The following DAP variants were observed in gnomAD, a reference collection of about 807,000 sequenced individuals.
DAP encodes death associated protein.
Under a neutral mutation model 13.8 loss-of-function variants are expected in DAP, and 8 were observed. The ratio of observed to expected loss-of-function variants is 0.58; its 90% CI spans 0.34 to 1.05. The LOEUF (loss-of-function observed/expected upper bound fraction) is 1.05, where lower values mean the gene tolerates loss of function less well. Ranked by LOEUF, DAP falls within the 50% of genes least tolerant of loss-of-function variation. DAP has a pLI of 0.03. For synonymous variants in DAP, 47 were observed against 47.5 expected, an observed-to-expected ratio of 0.99 and a Z score of 0.04; for missense variants, 106 against 133.2, an observed-to-expected ratio of 0.80 and a Z score of 1.01.
intron 2 of DAP, among the ~76,000 whole-genome samples, chr5:10,735,658 C>A (rs1474586260): frequency 1.3e-5 from 2 of 152,174 alleles, no homozygotes; most frequent in East Asian, 1.9e-4. Flanking sequence ...TGGGGCCACA[C>A]CACTGTACAC....
rs567720949 is a variant in DAP at position 10,751,396 on chromosome 5, A to C, written c.56-3125T>G. ...ACTGAAAATACAATTATCTACCTAC[A>C]CCTTAGGGTCATTTTCCACTCTCTT... On this transcript the variant is annotated intron_variant, in intron 1 of 3. Transcript: ENST00000230895. 2.6e-5 allele frequency among the ~76,000 whole-genome samples: 4 copies of C among 152,188 alleles called. No individual in the cohort carries two copies. The East Asian group carries it at 7.7e-4, about 29-fold the overall frequency.
At chr5:10,699,635 C>A (rs1179857477) in intron 2 of DAP, among the ~76,000 whole-genome samples, 7 of 152,228 alleles carry the variant, frequency 4.6e-5, no homozygotes, top group Non-Finnish European at 2.9e-5. Context: ...CAAGACTGAT[C>A]CTCCATCAGG....
intron 2 of DAP, among the ~76,000 whole-genome samples, chr5:10,691,855 G>A (rs533705751): frequency 3.9e-5 from 6 of 152,312 alleles, no homozygotes; most frequent in African/African-American, 7.2e-5. Context: ...CCTGATGTCC[G>A]TGCACGTGGG....
Position 10,722,466 on chromosome 5 carries a change from T to G in DAP, c.152+25709A>C, listed in dbSNP as rs568597419. Among the ~76,000 whole-genome samples the G allele has an allele frequency of 2.0e-5, 3 of 151,938 alleles. No homozygotes were observed. The East Asian group carries it at 5.8e-4, about 29-fold the overall frequency. The stretch of plus-strand genomic sequence containing the variant: ...TGTGGGACCTTGTAATTGTGTAAGT[T>G]AATACTTAATAAACTCTCTCTCTAT... On this transcript the variant is annotated intron_variant, in intron 2 of 3. Transcript: ENST00000230895.
Position 10,761,078 on chromosome 5 carries a change from G to C in DAP, c.-10C>G, listed in dbSNP as rs774636302. The C allele has an allele frequency of 1.7e-6, 2 of 1,211,524 alleles. No individual in the cohort carries two copies. Among genetic ancestry groups the C allele is most frequent in the Non-Finnish European group, 2.1e-6 (2 of 963,252 alleles). 75.0% of individuals were successfully genotyped at this position (1,211,524 alleles called of 1,614,324 possible). On this transcript the variant is annotated 5_prime_UTR_variant, in exon 1 of 4. Coordinates refer to ENST00000230895, the MANE Select transcript of DAP (RefSeq NM_004394.3). ...CGGGAGGCGAAGACATGACGCGGCG[G>C]GGCTTCCGCGGGGCCGAGGCGGCGG...
intron 2 of DAP, among the ~76,000 whole-genome samples, chr5:10,713,968 A>T (rs1407949003): frequency 6.6e-6 from 1 of 152,252 alleles, no homozygotes; most frequent in Non-Finnish European, 1.5e-5. Context: ...CAGCCTTGCA[A>T]TGGAATCACT....
chr5:10,740,561 T>C (rs1080441), intron 2 of DAP, among the ~76,000 whole-genome samples: 5 of 151,982 alleles, frequency 3.3e-5, no homozygotes, highest in African/African-American at 2.4e-5. Context: ...AAACATTACA[T>C]ACAGAGAAAA....
chr5:10,725,669 A>C (rs1739272058), intron 2 of DAP, among the ~76,000 whole-genome samples: 2 of 152,254 alleles, frequency 1.3e-5, no homozygotes, highest in Non-Finnish European at 2.9e-5. Context: ...TCTCAACTTA[A>C]ACATTTGAAG....
intron 2 of DAP, among the ~76,000 whole-genome samples, chr5:10,738,109 T>G (rs1739660417): frequency 6.6e-6 from 1 of 152,220 alleles, no homozygotes; most frequent in African/African-American, 2.4e-5. Flanking sequence ...TGCCAACACC[T>G]TGCTTTCAGC....
At position 10,757,757 on chromosome 5, in the gene DAP, C is replaced by T. The variant is rs181989689; in HGVS notation, c.55+3257G>A. Among the ~76,000 whole-genome samples the T allele has an allele frequency of 5.3e-3, 801 of 152,284 alleles. 8 individuals are homozygous for T. The highest frequency in any genetic ancestry group is 0.018 in the African/African-American group (737 of 41,556). ...GCCAAGAGGACCACCTGCATCCCTG[C>T]GCACAGTACAGAGAGCTCAGAGTTG... On this transcript the variant is annotated intron_variant, in intron 1 of 3. Coordinates refer to ENST00000230895, the MANE Select transcript of DAP (RefSeq NM_004394.3).
At chr5:10,702,422 G>A (rs926855872) in intron 2 of DAP, among the ~76,000 whole-genome samples, 8 of 152,180 alleles carry the variant, frequency 5.3e-5, no homozygotes, top group African/African-American at 1.2e-4. Context: ...TTTGTGACCC[G>A]ACAATCTGGC....
intron 2 of DAP, among the ~76,000 whole-genome samples, chr5:10,701,217 A>G (rs1306187002): frequency 6.6e-6 from 1 of 152,282 alleles, no homozygotes; most frequent in Non-Finnish European, 1.5e-5. Context: ...TAAAGCACCC[A>G]GAGAAGTCAT....
At chr5:10,753,203 C>T (rs548070260) in intron 1 of DAP, among the ~76,000 whole-genome samples, 1 of 152,348 alleles carries the variant, frequency 6.6e-6, no homozygotes, top group South Asian at 2.1e-4. Context: ...GCATCTTTCA[C>T]TGCACAGCAG....
intron 2 of DAP, among the ~76,000 whole-genome samples, chr5:10,697,621 A>C (rs1561010955): frequency 6.6e-6 from 1 of 152,198 alleles, no homozygotes; most frequent in Non-Finnish European, 1.5e-5. Flanking sequence ...TCCATGGTTC[A>C]AAGTACAAAG....
chr5:10,728,509 T>C (rs1332083106), intron 2 of DAP, among the ~76,000 whole-genome samples: 2 of 152,230 alleles, frequency 1.3e-5, no homozygotes, highest in Admixed American at 1.3e-4. Flanking sequence ...AAATTAAATA[T>C]AAACGGATGT....
At chr5:10,728,628 T>C (rs1739353250) in intron 2 of DAP, among the ~76,000 whole-genome samples, 1 of 152,200 alleles carries the variant, frequency 6.6e-6, no homozygotes, top group Admixed American at 6.5e-5. Flanking sequence ...TAAGTCCAAG[T>C]AAACAGATAC....
Position 10,680,675 on chromosome 5 carries a change from T to A in DAP, c.*381A>T, listed in dbSNP as rs2126630721. ...CCCATACTAAAAAGCATGCAATGAC[T>A]GAGGTTTTCTCCTAACCTTAATCTC... On this transcript the variant is annotated 3_prime_UTR_variant, in exon 4 of 4. Transcript: ENST00000230895. 6.9e-7 allele frequency: 1 copy of A among 1,445,898 alleles called. No individual in the cohort carries two copies. The highest frequency in any genetic ancestry group is 1.3e-5 in the South Asian group (1 of 79,456). 89.6% of individuals were successfully genotyped at this position (1,445,898 alleles called of 1,614,324 possible).
intron 2 of DAP, among the ~76,000 whole-genome samples, chr5:10,712,185 G>C (rs954401437): frequency 6.6e-6 from 1 of 152,084 alleles, no homozygotes; most frequent in Non-Finnish European, 1.5e-5. Flanking sequence ...GGGAGAAGAC[G>C]GCCATCTACA....
In DAP at chr5:10,680,914, G is replaced by T. The variant is rs926516836; in HGVS notation, c.*142C>A. ...TGTTTCTAGTTTTAAATATGGAAAT[G>T]TAAGGCAAAGGACAGAGCACTTGGT... On this transcript the variant is annotated 3_prime_UTR_variant, in exon 4 of 4. Transcript: ENST00000230895. 1 of 1,537,834 alleles carries T rather than the reference G, an allele frequency of 6.5e-7. No individual in the cohort carries two copies.
Sources: allele counts gnomAD v4.1 joint callset (sites outside exome capture counted in the v4.1 genomes callset), GRCh38; gene constraint gnomAD v4.1.1; transcripts MANE v1.5; gene names NCBI Gene and HGNC (gene_info 2026-07-23, HGNC 2026-07-21).